FRMD4A: variants seen among roughly 807,000 people sequenced by gnomAD.
The protein encoded by FRMD4A is FERM domain-containing protein 4A.
Under a neutral mutation model 129.1 loss-of-function variants are expected in FRMD4A, and 29 were observed. That is an observed-to-expected ratio of 0.22 (90% CI 0.17 to 0.31). The LOEUF is 0.31. FRMD4A is among the 10% of genes least tolerant of loss of function. The pLI is 1.00. For missense variants in FRMD4A, 1,272 were observed against 1,375.8 expected, an observed-to-expected ratio of 0.92 and a Z score of 1.19; for synonymous variants, 634 against 571.6, an observed-to-expected ratio of 1.11 and a Z score of -1.56.
intron 2 of FRMD4A, among the ~76,000 whole-genome samples, chr10:14,287,071 T>C (rs1400392376): frequency 1.3e-5 from 2 of 152,204 alleles, no homozygotes; most frequent in African/African-American, 4.8e-5. Context: ...AGGCAAAGTC[T>C]ATCTTCTGAC....
At chr10:14,155,858 T>C (rs1298322894) in intron 2 of FRMD4A, among the ~76,000 whole-genome samples, 2 of 152,216 alleles carry the variant, frequency 1.3e-5, no homozygotes, top group Non-Finnish European at 2.9e-5. Context: ...AAACACATTC[T>C]TTCTTTTTTG....
intron 2 of FRMD4A, among the ~76,000 whole-genome samples, chr10:13,968,325 TAATA>T (rs746736907): frequency 6.0e-4 from 92 of 152,360 alleles, no homozygotes; most frequent in African/African-American, 1.9e-3. Context: ...TTAAAATCGC[TAATA>T]AATAAATACA....
At chr10:14,253,982 G>A (rs1488923649) in intron 2 of FRMD4A, among the ~76,000 whole-genome samples, 2 of 152,096 alleles carry the variant, frequency 1.3e-5, no homozygotes, top group Non-Finnish European at 2.9e-5. Flanking sequence ...CTCTGCAGAC[G>A]ATACACTTTC....
At chr10:13,862,582 CATGCTCCGTATTTTA>C (rs1199421874) in intron 2 of FRMD4A, among the ~76,000 whole-genome samples, 15 of 152,230 alleles carry the variant, frequency 9.9e-5, no homozygotes, top group Non-Finnish European at 8.8e-5. Flanking sequence ...AATTTACAAA[CATGCTCCGTATTTTA>C]ATGCCTCCCT....
chr10:13,724,212 CCCTGT>C (rs1276022696), intron 12 of FRMD4A, among the ~76,000 whole-genome samples: 303 of 152,262 alleles, frequency 2.0e-3, no homozygotes, highest in African/African-American at 6.5e-3. Flanking sequence ...CATGGTGAAA[CCCTGT>C]CTCTACTAAA....
chr10:14,066,277 T>C (rs960910751), intron 2 of FRMD4A, among the ~76,000 whole-genome samples: 4 of 147,700 alleles, frequency 2.7e-5, no homozygotes, highest in African/African-American at 1.0e-4. Flanking sequence ...CAAACCAAAG[T>C]CACGTACTTC....
intron 2 of FRMD4A, among the ~76,000 whole-genome samples, chr10:14,092,406 G>T (rs1019914318): frequency 6.6e-6 from 1 of 152,242 alleles, no homozygotes; most frequent in Middle Eastern, 3.2e-3. Flanking sequence ...CAACAGGACT[G>T]GGCCGACTGG....
At chr10:13,976,351 C>T (rs1399424880) in intron 2 of FRMD4A, among the ~76,000 whole-genome samples, 1 of 152,168 alleles carries the variant, frequency 6.6e-6, no homozygotes, top group African/African-American at 2.4e-5. Context: ...AGGAGTTCCC[C>T]TGCCCAAAGA....
At chr10:14,200,468 T>G (rs1247423992) in intron 2 of FRMD4A, among the ~76,000 whole-genome samples, 1 of 152,058 alleles carries the variant, frequency 6.6e-6, no homozygotes, top group Admixed American at 6.6e-5. Flanking sequence ...AATTTTTGTA[T>G]TTTTAGTAGA....
At chr10:14,293,300 T>G (rs1234347754) in intron 2 of FRMD4A, among the ~76,000 whole-genome samples, 2 of 152,110 alleles carry the variant, frequency 1.3e-5, no homozygotes, top group Non-Finnish European at 2.9e-5. Context: ...CCTTCCACCT[T>G]CCACCACAGG....
At chr10:14,200,699 T>G (rs1412513870) in intron 2 of FRMD4A, among the ~76,000 whole-genome samples, 1 of 152,186 alleles carries the variant, frequency 6.6e-6, no homozygotes, top group Non-Finnish European at 1.5e-5. Flanking sequence ...CTCTGGAACC[T>G]TCCATACAGT....
intron 2 of FRMD4A, among the ~76,000 whole-genome samples, chr10:14,090,752 C>G (rs758348750): frequency 7.2e-5 from 11 of 152,092 alleles, no homozygotes; most frequent in Non-Finnish European, 1.5e-4. Flanking sequence ...AATCTTTCTG[C>G]CGTGGATATA....
At chr10:14,076,670 T>A (rs1440015991) in intron 2 of FRMD4A, among the ~76,000 whole-genome samples, 1 of 151,956 alleles carries the variant, frequency 6.6e-6, no homozygotes, top group Admixed American at 6.6e-5. Flanking sequence ...CATTGTTAGA[T>A]GCATTACTAT....
intron 2 of FRMD4A, among the ~76,000 whole-genome samples, chr10:14,196,079 T>C (rs759487913): frequency 2.0e-4 from 31 of 152,072 alleles, no homozygotes; most frequent in African/African-American, 7.2e-4. Context: ...CAAAAACAAA[T>C]TCTGATTCCC....
At position 13,763,893 on chromosome 10, in the gene FRMD4A, A is replaced by C. The variant is rs1268215633; in HGVS notation, c.385-1213T>G. ...TGGGACTACAGGCATACACCACCAC[A>C]CCGGATAATTTTTTTGTATTTAGTA... On this transcript the variant is annotated intron_variant, in intron 6 of 24. Coordinates refer to ENST00000357447, the MANE Select transcript of FRMD4A (RefSeq NM_018027.5). 2.0e-5 allele frequency among the ~76,000 whole-genome samples: 3 copies of C among 151,904 alleles called. No individual in the cohort carries two copies. In the East Asian group the frequency reaches 5.8e-4, roughly 30 times the overall value.
intron 2 of FRMD4A, among the ~76,000 whole-genome samples, chr10:14,238,472 G>A (rs546699721): frequency 4.6e-5 from 7 of 151,906 alleles, no homozygotes; most frequent in Non-Finnish European, 7.4e-5. Context: ...ATCTTTTTCC[G>A]TTCCCCCTTC....
At chr10:13,657,787 G>GTTTTTTTTTT (rs1204181870) in intron 21 of FRMD4A, among the ~76,000 whole-genome samples, 109 of 111,006 alleles carry the variant, frequency 9.8e-4, no homozygotes, top group South Asian at 5.0e-3. Flanking sequence ...TCGATTTCTG[G>GTTTTTTTTTT]GTTTTTTTTT....
chr10:13,663,132 G>A (rs1050147223), intron 19 of FRMD4A, among the ~76,000 whole-genome samples: 1 of 151,364 alleles, frequency 6.6e-6, no homozygotes, highest in Non-Finnish European at 1.5e-5. Context: ...AGAGGTTGTA[G>A]TGAGCCGAGA....
intron 2 of FRMD4A, among the ~76,000 whole-genome samples, chr10:13,977,360 T>C (rs900167268): frequency 1.3e-5 from 2 of 152,200 alleles, no homozygotes; most frequent in Non-Finnish European, 2.9e-5. Context: ...TTTCTTTCTT[T>C]CCATCCACTG....
Sources: allele counts gnomAD v4.1 joint callset (sites outside exome capture counted in the v4.1 genomes callset), GRCh38; gene constraint gnomAD v4.1.1; transcripts MANE v1.5; gene names NCBI Gene and HGNC (gene_info 2026-07-23, HGNC 2026-07-21).